IL15: variants seen among roughly 807,000 people sequenced by gnomAD.
IL15 encodes the protein interleukin-15.
IL15 carries 11 observed loss-of-function variants against 19.6 expected under a neutral mutation model. The observed-to-expected ratio is 0.56, with a 90% confidence interval of 0.35 to 0.93. The LOEUF (loss-of-function observed/expected upper bound fraction) is 0.93, where lower values mean the gene tolerates loss of function less well. Among genes scored for constraint, IL15 ranks in the 40% least tolerant of loss-of-function variants. The pLI is 0.01. For missense variants in IL15, 197 were observed against 186.5 expected (o/e 1.06, Z -0.33); for synonymous variants, 58 against 59.6 (o/e 0.97, Z 0.12).
intron 5 of IL15, among the ~76,000 whole-genome samples, chr4:141,725,827 A>T (rs2152191809): frequency 6.6e-6 from 1 of 152,298 alleles, no homozygotes; most frequent in South Asian, 2.1e-4. Flanking sequence ...AGTACTTGAA[A>T]TGCATAATTT....
At chr4:141,672,191 G>A (rs530031149) in intron 2 of IL15, among the ~76,000 whole-genome samples, 5 of 152,150 alleles carry the variant, frequency 3.3e-5, no homozygotes, top group Non-Finnish European at 7.4e-5. Flanking sequence ...TTGTCTGTCT[G>A]TGAAAAAATC....
intron 2 of IL15, among the ~76,000 whole-genome samples, chr4:141,682,930 C>A (rs1010388630): frequency 3.3e-5 from 5 of 151,458 alleles, no homozygotes; most frequent in African/African-American, 9.7e-5. Context: ...CCAACCTGGG[C>A]GACAAAGCGA....
intron 2 of IL15, among the ~76,000 whole-genome samples, chr4:141,713,121 G>A (rs911710674): frequency 3.3e-5 from 5 of 152,180 alleles, no homozygotes; most frequent in Non-Finnish European, 7.4e-5. Flanking sequence ...TACAGATTAA[G>A]TTTGAGGACA....
chr4:141,679,826 C>A (rs887693784), intron 2 of IL15, among the ~76,000 whole-genome samples: 7 of 152,068 alleles, frequency 4.6e-5, no homozygotes, highest in African/African-American at 1.7e-4. Flanking sequence ...TTTTACAAGT[C>A]AAAGCATCTA....
chr4:141,680,308 A>G (rs972476071), intron 2 of IL15, among the ~76,000 whole-genome samples: 3 of 152,182 alleles, frequency 2.0e-5, no homozygotes, highest in Admixed American at 2.0e-4. Flanking sequence ...AGAGGCAGGA[A>G]GGCAAATGCC....
intron 1 of IL15, among the ~76,000 whole-genome samples, chr4:141,638,686 G>A (rs530020778): frequency 2.3e-3 from 355 of 152,304 alleles, no homozygotes; most frequent in Non-Finnish European, 3.7e-3. Context: ...AAGGTTTATC[G>A]AAATAGATTT....
chr4:141,646,562 G>A (rs1268946358), intron 1 of IL15, among the ~76,000 whole-genome samples: 1 of 152,054 alleles, frequency 6.6e-6, no homozygotes, highest in Admixed American at 6.6e-5. Flanking sequence ...TCCCAACCCT[G>A]TTTGGGAATT....
intron 4 of IL15, chr4:141,720,888 G>T (rs557681465): frequency 4.5e-4 from 239 of 532,606 alleles, no homozygotes; most frequent in Non-Finnish European, 6.8e-4. Flanking sequence ...TAGATATTTA[G>T]AATTTGCTTA....
At chr4:141,725,462 G>A (rs1317846877) in intron 5 of IL15, among the ~76,000 whole-genome samples, 1 of 152,128 alleles carries the variant, frequency 6.6e-6, no homozygotes. Context: ...TATAAGCCAA[G>A]GAGGGAGGAC....
At chr4:141,722,376 G>C (rs1174190242) in intron 5 of IL15, among the ~76,000 whole-genome samples, 1 of 152,040 alleles carries the variant, frequency 6.6e-6, no homozygotes, top group East Asian at 1.9e-4. Context: ...AAAACAGGTG[G>C]CCTGACCTAA....
chr4:141,706,744 A>G (rs1163149610), intron 2 of IL15, among the ~76,000 whole-genome samples: 1 of 151,470 alleles, frequency 6.6e-6, no homozygotes, highest in African/African-American at 2.4e-5. Flanking sequence ...TGAATATGTC[A>G]TGCCATTCTC....
intron 2 of IL15, among the ~76,000 whole-genome samples, chr4:141,690,501 A>G (rs1375461602): frequency 2.0e-5 from 3 of 152,222 alleles, no homozygotes; most frequent in African/African-American, 4.8e-5. Context: ...GCATATCCAG[A>G]CAGCCAACAA....
intron 2 of IL15, among the ~76,000 whole-genome samples, chr4:141,661,429 G>A (rs1727783828): frequency 6.6e-6 from 1 of 151,682 alleles, no homozygotes; most frequent in Non-Finnish European, 1.5e-5. Context: ...GGAAGGAAGG[G>A]GTTGTATCCC....
intron 5 of IL15, among the ~76,000 whole-genome samples, chr4:141,726,250 T>TA (rs765629417): frequency 6.6e-6 from 1 of 151,878 alleles, no homozygotes; most frequent in Non-Finnish European, 1.5e-5. Context: ...AAAAAATAAA[T>TA]AAAAGGCACA....
At chr4:141,667,664 C>G (rs1728037080) in intron 2 of IL15, among the ~76,000 whole-genome samples, 1 of 151,956 alleles carries the variant, frequency 6.6e-6, no homozygotes, top group South Asian at 2.1e-4. Flanking sequence ...TTCCGGGGCT[C>G]TGTTTATTCA....
intron 1 of IL15, among the ~76,000 whole-genome samples, chr4:141,651,566 T>C (rs1458693681): frequency 6.6e-6 from 1 of 152,134 alleles, no homozygotes; most frequent in Non-Finnish European, 1.5e-5. Flanking sequence ...TGCCTTTGTA[T>C]GCCTTACATT....
In IL15 at chr4:141,656,917, G is replaced by A. The variant is rs1279126717; in HGVS notation, c.-100+610G>A. On this transcript the variant is annotated intron_variant, in intron 2 of 7. Coordinates refer to ENST00000320650, the MANE Select transcript of IL15 (RefSeq NM_000585.5). ...CTTTTAAGGAGTATTTTAGAAAAAT[G>A]TAAGGTCAAGTTCAGTCTCGATAAC... is the stretch of plus-strand genomic sequence containing the variant. 4.6e-5 allele frequency among the ~76,000 whole-genome samples: 7 copies of A among 152,260 alleles called. No homozygotes were observed. The East Asian group carries it at 1.2e-3, about 25-fold the overall frequency.
At chr4:141,644,423 G>A (rs561300510) in intron 1 of IL15, among the ~76,000 whole-genome samples, 1 of 152,138 alleles carries the variant, frequency 6.6e-6, no homozygotes, top group Non-Finnish European at 1.5e-5. Context: ...ATTCAAGAAA[G>A]CATCTTCCTT....
At chr4:141,643,671 C>A (rs1727126848) in intron 1 of IL15, among the ~76,000 whole-genome samples, 1 of 152,066 alleles carries the variant, frequency 6.6e-6, no homozygotes, top group South Asian at 2.1e-4. Context: ...TTCCTAATTT[C>A]CCTAACATGT....
Sources: gnomAD v4.1 joint callset for allele counts (sites outside exome capture counted in the v4.1 genomes callset) on GRCh38, gnomAD v4.1.1 for gene constraint, MANE v1.5 for transcripts, NCBI Gene and HGNC (gene_info 2026-07-23, HGNC 2026-07-21) for gene names.